ATP11A: variants seen among roughly 807,000 people sequenced by gnomAD.
ATP11A encodes the protein ATPase phospholipid transporting 11A.
Under a neutral mutation model 154.4 loss-of-function variants are expected in ATP11A, and 81 were observed. The observed-to-expected ratio is 0.52, with a 90% CI of 0.44 to 0.63. The LOEUF (loss-of-function observed/expected upper bound fraction) is 0.63. ATP11A is among the 30% of genes least tolerant of loss of function. The pLI, the probability that ATP11A is intolerant of heterozygous loss-of-function variation, is 0.00. For missense variants in ATP11A, 1,316 were observed against 1,474.3 expected (o/e 0.89, Z 1.76); for synonymous variants, 623 against 585.9 (o/e 1.06, Z -0.91).
rs1426545395 is a variant in ATP11A at position 112,747,518 on chromosome 13, C to T, written c.40-37617C>T. On this transcript the variant is annotated intron_variant, in intron 1 of 29. Coordinates refer to ENST00000375645, the MANE Select transcript of ATP11A (RefSeq NM_015205.3). ...ATTATGTGCACATTCAATAGCCCTA[C>T]TGTAGCTTTTTAGCAAATTACAAAA... is the stretch of plus-strand genomic sequence containing the variant. The T allele has an allele frequency of 2.0e-5, 3 of 152,268 alleles. No individual in the cohort carries two copies. The East Asian group carries it at 5.8e-4, about 29-fold the overall frequency. The allele number at this position is 152,268 out of a possible 1,614,324, so 9.4% of individuals were successfully genotyped here.
At chr13:112,755,079 G>A (rs898576461) in intron 1 of ATP11A, among the ~76,000 whole-genome samples, 100 of 152,346 alleles carry the variant, frequency 6.6e-4, no homozygotes, top group African/African-American at 2.3e-3. Flanking sequence ...ACTGTGGGCC[G>A]ATGAAATGCG....
chr13:112,750,474 C>T (rs1157848810), intron 1 of ATP11A, among the ~76,000 whole-genome samples: 5 of 90,568 alleles, frequency 5.5e-5, no homozygotes, highest in Non-Finnish European at 9.9e-5. Context: ...TTCAGCCTCT[C>T]GTGAATTTCT....
At chr13:112,732,498 C>T (rs1467983239) in intron 1 of ATP11A, among the ~76,000 whole-genome samples, 1 of 152,146 alleles carries the variant, frequency 6.6e-6, no homozygotes, top group Non-Finnish European at 1.5e-5. Flanking sequence ...AGCTCCATCT[C>T]TCTCCAGCTG....
At position 112,795,101 on chromosome 13, in the gene ATP11A, G is replaced by A. The variant is rs1324578344; in HGVS notation, c.162+9844G>A. ...TCTATTAAAAATACAAAAATTAGCCGGGCATCTTGGGGGGTTGCCTGTAAT... is the reference window on the plus strand; with the variant it reads ...TCTATTAAAAATACAAAAATTAGCCAGGCATCTTGGGGGGTTGCCTGTAAT... On this transcript the variant is annotated intron_variant, in intron 2 of 29. Coordinates refer to ENST00000375645, the MANE Select transcript of ATP11A (RefSeq NM_015205.3). 3.3e-5 allele frequency among the ~76,000 whole-genome samples: 5 copies of A among 150,928 alleles called. No individual in the cohort carries two copies. In the East Asian group the frequency reaches 6.0e-4, roughly 18 times the overall value.
intron 1 of ATP11A, among the ~76,000 whole-genome samples, chr13:112,756,504 TGGTAACA>T (rs2076837011): frequency 6.6e-6 from 1 of 152,140 alleles, no homozygotes; most frequent in African/African-American, 2.4e-5. Flanking sequence ...GGCGCTCTCT[TGGTAACA>T]GGGTCCCTGT....
At chr13:112,795,180 G>A (rs1453908159) in intron 2 of ATP11A, among the ~76,000 whole-genome samples, 1 of 152,190 alleles carries the variant, frequency 6.6e-6, no homozygotes, top group African/African-American at 2.4e-5. Flanking sequence ...GGGAGGCAGA[G>A]GTTGCAGTGA....
chr13:112,779,119 A>G (rs2077428653), intron 1 of ATP11A, among the ~76,000 whole-genome samples: 2 of 26,670 alleles, frequency 7.5e-5, no homozygotes, highest in Non-Finnish European at 1.3e-4. Flanking sequence ...TAGCCACTGG[A>G]GTGAGTAGCC....
chr13:112,822,801 C>G (rs924308024), intron 8 of ATP11A, among the ~76,000 whole-genome samples: 3 of 151,236 alleles, frequency 2.0e-5, no homozygotes, highest in Non-Finnish European at 4.4e-5. Context: ...TTTTATTTCA[C>G]ATCCACCCCT....
chr13:112,768,158 C>T (rs986174900), intron 1 of ATP11A, among the ~76,000 whole-genome samples: 8 of 152,376 alleles, frequency 5.3e-5, no homozygotes, highest in Admixed American at 2.6e-4. Flanking sequence ...TCTTTTATTC[C>T]GGCCTCCCAA....
chr13:112,822,722 C>T (rs1018612820), intron 8 of ATP11A, among the ~76,000 whole-genome samples: 3 of 143,644 alleles, frequency 2.1e-5, no homozygotes, highest in Admixed American at 7.2e-5. Flanking sequence ...CCAGCCTGGG[C>T]GACAGAGTGA....
chr13:112,843,246 C>T (rs1038636309), intron 17 of ATP11A, among the ~76,000 whole-genome samples: 5 of 152,170 alleles, frequency 3.3e-5, no homozygotes, highest in African/African-American at 1.2e-4. Flanking sequence ...GACGCACTCC[C>T]TCCTGTCAGA....
chr13:112,856,910 A>C (rs1243142548), intron 20 of ATP11A: 1 of 152,212 alleles, frequency 6.6e-6, no homozygotes, highest in East Asian at 1.9e-4. Context: ...ATTTCACTAA[A>C]AACACAGAAC....
intron 1 of ATP11A, among the ~76,000 whole-genome samples, chr13:112,728,596 G>T (rs925698166): frequency 4.1e-5 from 6 of 148,102 alleles, no homozygotes; most frequent in African/African-American, 1.5e-4. Flanking sequence ...ATCCACTCGT[G>T]GGGGGGCCGT....
chr13:112,858,015 C>A, intron 21 of ATP11A, 95 bp downstream of exon 21: 3 of 1,560,476 alleles, frequency 1.9e-6, no homozygotes, highest in Admixed American at 1.7e-5. Context: ...ATTCAGGACA[C>A]CCCCGTCACC....
Position 112,813,844 on chromosome 13 carries a change from A to G in ATP11A, c.442-2239A>G, listed in dbSNP as rs565818596. On this transcript the variant is annotated intron_variant, in intron 5 of 29. Transcript: ENST00000375645. ...CTTTTCACGCTCGTTTGACATCTGC[A>G]TATCCTTGTCAGTAAAAATAACTCT... Among the ~76,000 whole-genome samples, 10 of 152,012 alleles carry G rather than the reference A, an allele frequency of 6.6e-5. No individual in the cohort carries two copies. In the East Asian group the frequency reaches 1.5e-3, roughly 24 times the overall value.
chr13:112,720,561 T>G lies in ATP11A; in HGVS notation c.39+30106T>G, dbSNP rs116403234. Among the ~76,000 whole-genome samples the G allele has an allele frequency of 4.7e-3, 709 of 152,162 alleles. 5 individuals carry two copies. Among genetic ancestry groups the G allele is most frequent in the East Asian group, 0.016 (84 of 5,166 alleles). The stretch of plus-strand genomic sequence containing the variant: ...GCCTCTGGGTAGAGTCTGTTTGTTT[T>G]TTTTTTAATTTTTTTGAGACGGAGT... On this transcript the variant is annotated intron_variant, in intron 1 of 29. Transcript: ENST00000375645.
At chr13:112,881,264 G>A (rs374575288) in intron 29 of ATP11A, 65 of 992,350 alleles carry the variant, frequency 6.6e-5, no homozygotes, top group East Asian at 1.1e-4. Flanking sequence ...GTGCACATCC[G>A]GGGCCCCAGT....
rs201886578 is a variant in ATP11A, at chr13:112,809,409, C to T, written c.334-1210C>T. On this transcript the variant is annotated intron_variant, in intron 4 of 29. Transcript: ENST00000375645. ...TTTATGCTCCCTTCGGAGGAGACTC[C>T]AGTCACAGGGCCACTGATGCCGCCA... Among the ~76,000 whole-genome samples the T allele has an allele frequency of 1.6e-4, 25 of 152,292 alleles. No individual in the cohort carries two copies. The East Asian group carries it at 4.1e-3, about 25-fold the overall frequency.
chr13:112,791,659 C>T (rs544135361), intron 2 of ATP11A, among the ~76,000 whole-genome samples: 3 of 152,322 alleles, frequency 2.0e-5, no homozygotes, highest in East Asian at 1.9e-4. Context: ...CCGTTTCGAA[C>T]GTCACTGCAG....
Sources: gnomAD v4.1 joint callset for allele counts (sites outside exome capture counted in the v4.1 genomes callset) on GRCh38, gnomAD v4.1.1 for gene constraint, MANE v1.5 for transcripts, NCBI Gene and HGNC (gene_info 2026-07-23, HGNC 2026-07-21) for gene names.